Variants in MACROD2 observed in about 807,000 individuals in gnomAD.
The protein encoded by MACROD2 is ADP-ribose glycohydrolase MACROD2.
MACROD2 carries 36 observed loss-of-function variants against 70.4 expected under a neutral mutation model. The observed-to-expected ratio is 0.51, with a 90% CI of 0.39 to 0.68. The LOEUF (loss-of-function observed/expected upper bound fraction) is 0.68. Ranked by LOEUF, MACROD2 falls within the 30% of genes least tolerant of loss-of-function variation. MACROD2 has a pLI of 0.00. For missense variants in MACROD2, 496 were observed against 538.4 expected, an observed-to-expected ratio of 0.92 and a Z score of 0.78; for synonymous variants, 172 against 178.8, an observed-to-expected ratio of 0.96 and a Z score of 0.30.
chr20:15,640,101 T>G (rs1600701939), intron 8 of MACROD2, among the ~76,000 whole-genome samples: 16 of 134,196 alleles, frequency 1.2e-4, no homozygotes, highest in African/African-American at 2.5e-4. Flanking sequence ...GATAAAAGGA[T>G]AGAGGGAGAG....
At chr20:14,830,367 C>T (rs537954518) in intron 5 of MACROD2, among the ~76,000 whole-genome samples, 1 of 152,100 alleles carries the variant, frequency 6.6e-6, no homozygotes, top group African/African-American at 2.4e-5. Context: ...GTAAAACTGG[C>T]AAGTTTCTTA....
chr20:14,952,209 C>T (rs887849272), intron 5 of MACROD2, among the ~76,000 whole-genome samples: 2 of 152,092 alleles, frequency 1.3e-5, no homozygotes, highest in Non-Finnish European at 2.9e-5. Context: ...AGTGGAAATT[C>T]GGCTTCCTGG....
intron 12 of MACROD2, among the ~76,000 whole-genome samples, chr20:15,959,482 A>G (rs1455010954): frequency 2.6e-5 from 4 of 152,214 alleles, no homozygotes; most frequent in African/African-American, 9.6e-5. Flanking sequence ...GTTTTTACAA[A>G]TGGATCTAGA....
intron 5 of MACROD2, among the ~76,000 whole-genome samples, chr20:15,076,896 G>A (rs1200828101): frequency 6.6e-6 from 1 of 152,140 alleles, no homozygotes; most frequent in Non-Finnish European, 1.5e-5. Context: ...CAATGAATGA[G>A]AATGCAATAT....
intron 5 of MACROD2, among the ~76,000 whole-genome samples, chr20:15,065,546 C>G (rs941309467): frequency 1.4e-4 from 21 of 151,772 alleles, no homozygotes; most frequent in Non-Finnish European, 2.5e-4. Context: ...CCCAGCTACT[C>G]CGGAGGCTGA....
chr20:14,829,128 A>AT (rs71190150), intron 5 of MACROD2, among the ~76,000 whole-genome samples: 38,424 of 110,356 alleles, frequency 0.35, 8,121 homozygotes, highest in Non-Finnish European at 0.45. Flanking sequence ...TTGCAGAACT[A>AT]TTTTTTTTTT....
intron 8 of MACROD2, among the ~76,000 whole-genome samples, chr20:15,631,221 C>T (rs866204148): frequency 5.3e-5 from 8 of 152,188 alleles, no homozygotes; most frequent in African/African-American, 1.9e-4. Context: ...AGCACGGTCT[C>T]TTTCAGCTCC....
chr20:14,730,598 C>G (rs6135237), intron 5 of MACROD2, among the ~76,000 whole-genome samples: 37,321 of 152,088 alleles, frequency 0.25, 5,253 homozygotes, highest in East Asian at 0.44. Flanking sequence ...TTGCTAGCAA[C>G]AGACCCTTCC....
At position 14,199,373 on chromosome 20, in the gene MACROD2, C is replaced by G. The variant is rs555272658; in HGVS notation, c.271+113645C>G. On this transcript the variant is annotated intron_variant, in intron 3 of 17. Transcript: ENST00000684519. ...AAGTTGGAATCTGTAAAAAATGTTT[C>G]AGGAAGAAAATCTTTCAGATTAGAC... Among the ~76,000 whole-genome samples the G allele has an allele frequency of 2.0e-5, 3 of 152,298 alleles. No individual in the cohort carries two copies. The South Asian group carries it at 6.2e-4, about 32-fold the overall frequency.
chr20:15,249,572 C>A (rs1026770165), intron 6 of MACROD2, among the ~76,000 whole-genome samples: 5 of 152,074 alleles, frequency 3.3e-5, no homozygotes, highest in African/African-American at 1.2e-4. Flanking sequence ...GGCTCCATAG[C>A]AATTGCATGG....
intron 2 of MACROD2, among the ~76,000 whole-genome samples, chr20:14,061,998 C>A (rs537784483): frequency 1.6e-4 from 25 of 152,236 alleles, no homozygotes; most frequent in Non-Finnish European, 3.2e-4. Flanking sequence ...TTCTGTGGAA[C>A]ACACTTGAAA....
At chr20:14,057,860 C>T (rs929395379) in intron 2 of MACROD2, among the ~76,000 whole-genome samples, 5 of 152,110 alleles carry the variant, frequency 3.3e-5, no homozygotes, top group African/African-American at 7.2e-5. Context: ...GCATGAATTG[C>T]GGCCCCGTGC....
Position 14,460,961 on chromosome 20 carries a change from C to CT in MACROD2, c.272-32508dup, listed in dbSNP as rs370132250. 8.3e-3 allele frequency among the ~76,000 whole-genome samples: 1,236 copies of CT among 148,458 alleles called. 12 individuals are homozygous for CT. Among genetic ancestry groups the CT allele is most frequent in the Middle Eastern group, 0.021 (6 of 282 alleles). On this transcript the variant is annotated intron_variant, in intron 3 of 17. Coordinates refer to ENST00000684519, the MANE Select transcript of MACROD2 (RefSeq NM_001351661.2). ...AAAATGAGTTAGGGAGGATTCCCCC[C>CT]TTTTTTTTTTATCGTTCGGAATAGT...
At chr20:15,349,117 G>C (rs2078199038) in intron 6 of MACROD2, among the ~76,000 whole-genome samples, 1 of 151,884 alleles carries the variant, frequency 6.6e-6, no homozygotes, top group South Asian at 2.1e-4. Context: ...TTTTAACTTG[G>C]CCTTCATATT....
chr20:15,305,467 T>G (rs185416807), intron 6 of MACROD2, among the ~76,000 whole-genome samples: 26 of 152,308 alleles, frequency 1.7e-4, no homozygotes, highest in African/African-American at 6.3e-4. Flanking sequence ...GCTTATGCAC[T>G]GTTTGTTGCT....
chr20:15,939,009 A>G (rs2065709891), intron 12 of MACROD2, among the ~76,000 whole-genome samples: 1 of 152,184 alleles, frequency 6.6e-6, no homozygotes, highest in African/African-American at 2.4e-5. Context: ...AATTCTACTA[A>G]TGCTGAGAGA....
intron 3 of MACROD2, among the ~76,000 whole-genome samples, chr20:14,430,944 T>G (rs910988916): frequency 2.0e-5 from 3 of 152,036 alleles, no homozygotes; most frequent in Non-Finnish European, 2.9e-5. Flanking sequence ...ATGATGGGAA[T>G]TTTTAAAGAC....
chr20:15,674,213 G>A (rs1466066616), intron 8 of MACROD2, among the ~76,000 whole-genome samples: 1 of 152,126 alleles, frequency 6.6e-6, no homozygotes, highest in African/African-American at 2.4e-5. Flanking sequence ...AGACCATAGT[G>A]GGGACAAGAT....
intron 5 of MACROD2, among the ~76,000 whole-genome samples, chr20:15,105,730 G>A (rs1346805024): frequency 6.6e-6 from 1 of 152,130 alleles, no homozygotes; most frequent in Non-Finnish European, 1.5e-5. Context: ...TGGACTTAGA[G>A]ACAGCAGAAA....
Sources: allele counts gnomAD v4.1 joint callset (sites outside exome capture counted in the v4.1 genomes callset), GRCh38; gene constraint gnomAD v4.1.1; transcripts MANE v1.5; gene names NCBI Gene and HGNC (gene_info 2026-07-23, HGNC 2026-07-21).